ESR1: variants seen among roughly 807,000 people sequenced by gnomAD.
ESR1 encodes estrogen receptor.
A neutral mutation model predicts 52.7 loss-of-function variants in ESR1; 12 were observed. The ratio of observed to expected loss-of-function variants is 0.23; its 90% CI spans 0.15 to 0.37. ESR1 has a LOEUF of 0.37. ESR1 is among the 10% of genes least tolerant of loss of function. The pLI, the probability that ESR1 is intolerant of heterozygous loss-of-function variation, is 1.00. For missense variants in ESR1, 584 were observed against 779.7 expected (o/e 0.75, Z 2.99); for synonymous variants, 305 against 316.8 (o/e 0.96, Z 0.39).
intron 1 of ESR1, among the ~76,000 whole-genome samples, chr6:151,685,414 T>A (rs1211297603): frequency 6.6e-6 from 1 of 151,656 alleles, no homozygotes; most frequent in Non-Finnish European, 1.5e-5. Context: ...ATTACAGGCG[T>A]GAGCCACCGC....
At chr6:151,733,177 A>G (rs748335675) in intron 2 of ESR1, among the ~76,000 whole-genome samples, 2 of 152,208 alleles carry the variant, frequency 1.3e-5, no homozygotes, top group Non-Finnish European at 2.9e-5. Flanking sequence ...CCCATTTTAC[A>G]GTTGAGGAAA....
At chr6:151,870,521 T>C (rs1223315201) in intron 2 of ESR1, among the ~76,000 whole-genome samples, 1 of 152,248 alleles carries the variant, frequency 6.6e-6, no homozygotes, top group Non-Finnish European at 1.5e-5. Context: ...CCTGAAAGAC[T>C]TGTGAATGCG....
At chr6:151,776,926 A>G (rs1786051325) in intron 2 of ESR1, among the ~76,000 whole-genome samples, 1 of 151,744 alleles carries the variant, frequency 6.6e-6, no homozygotes, top group South Asian at 2.1e-4. Context: ...AGGGAGATAT[A>G]CGTGAGTTTG....
chr6:151,665,188 C>A (rs1338606603), intron 1 of ESR1, among the ~76,000 whole-genome samples: 3 of 152,106 alleles, frequency 2.0e-5, no homozygotes, highest in African/African-American at 7.2e-5. Flanking sequence ...GCATGGTCGC[C>A]TTGAAGCCCT....
At chr6:151,861,971 T>A (rs1373379840) in intron 2 of ESR1, among the ~76,000 whole-genome samples, 1 of 152,188 alleles carries the variant, frequency 6.6e-6, no homozygotes, top group Admixed American at 6.5e-5. Flanking sequence ...GAAAATGATG[T>A]TATTATAAAC....
chr6:152,082,554 A>G (rs2049318898), intron 6 of ESR1, among the ~76,000 whole-genome samples: 1 of 152,244 alleles, frequency 6.6e-6, no homozygotes, highest in Admixed American at 6.5e-5. Context: ...AACCAGCACA[A>G]GATAAGAATG....
At chr6:151,882,791 C>T (rs750063139) in intron 3 of ESR1, among the ~76,000 whole-genome samples, 15 of 151,446 alleles carry the variant, frequency 9.9e-5, no homozygotes, top group African/African-American at 4.9e-5. Context: ...TATCCAGATA[C>T]GGTCTGGCTG....
At position 151,893,167 on chromosome 6, in the gene ESR1, G is replaced by T. The variant is rs557868384; in HGVS notation, c.760+12396G>T. Among the ~76,000 whole-genome samples, 229 of 152,322 alleles carry T rather than the reference G, an allele frequency of 1.5e-3. 1 individual carries two copies. Among genetic ancestry groups the T allele is most frequent in the African/African-American group, 5.4e-3 (223 of 41,570 alleles). ...GATCGTGCCACTGCACTCCAGACTG[G>T]GCGACAGAGCAAGACTCTGTCTCAA... is the stretch of plus-strand genomic sequence containing the variant. On this transcript the variant is annotated intron_variant, in intron 3 of 7. Transcript: ENST00000206249.
At chr6:152,104,311 G>A (rs2051035705), downstream of ESR1, among the ~76,000 whole-genome samples, 1 of 152,018 alleles carries the variant, frequency 6.6e-6, no homozygotes, top group Non-Finnish European at 1.5e-5. Context: ...GTTTTCAATG[G>A]TTTCCTCATT....
intron 4 of ESR1, among the ~76,000 whole-genome samples, chr6:151,999,057 C>T (rs1175680469): frequency 6.6e-6 from 1 of 152,076 alleles, no homozygotes; most frequent in African/African-American, 2.4e-5. Context: ...GTTCTCCTGG[C>T]CAGTCCTCAG....
intron 4 of ESR1, among the ~76,000 whole-genome samples, chr6:151,981,936 C>CT (rs2040027801): frequency 6.6e-6 from 1 of 152,168 alleles, no homozygotes; most frequent in South Asian, 2.1e-4. Flanking sequence ...AGGAGTTCTG[C>CT]TGTGCGTCTA....
intron 2 of ESR1, among the ~76,000 whole-genome samples, chr6:151,799,046 G>A (rs1776979809): frequency 6.6e-6 from 1 of 152,134 alleles, no homozygotes; most frequent in Non-Finnish European, 1.5e-5. Flanking sequence ...AAAGATTTAG[G>A]CATTTTTGAG....
intron 2 of ESR1, among the ~76,000 whole-genome samples, chr6:151,749,247 G>A (rs1333743472): frequency 6.6e-6 from 1 of 151,296 alleles, no homozygotes; most frequent in Non-Finnish European, 1.5e-5. Flanking sequence ...TGAGAGTAAG[G>A]AGAGTAAGCC....
At chr6:151,854,937 G>A (rs557869567) in intron 2 of ESR1, among the ~76,000 whole-genome samples, 2 of 152,094 alleles carry the variant, frequency 1.3e-5, no homozygotes, top group Non-Finnish European at 2.9e-5. Flanking sequence ...ATTTAGAGAC[G>A]CAGTCTTTCT....
intron 4 of ESR1, among the ~76,000 whole-genome samples, chr6:152,006,595 G>C (rs1235736047): frequency 6.6e-6 from 1 of 151,992 alleles, no homozygotes; most frequent in Non-Finnish European, 1.5e-5. Context: ...TATTTAGCTT[G>C]TAGCCATCAT....
intron 6 of ESR1, among the ~76,000 whole-genome samples, chr6:152,112,513 G>A (rs1476775428): frequency 6.6e-6 from 1 of 152,128 alleles, no homozygotes; most frequent in Non-Finnish European, 1.5e-5. Context: ...GCTTAACAAT[G>A]CCCCCGGGAT....
chr6:152,109,696 C>A (rs1033384708), intron 6 of ESR1, among the ~76,000 whole-genome samples: 2 of 152,024 alleles, frequency 1.3e-5, no homozygotes, highest in Non-Finnish European at 1.5e-5. Context: ...CAAACGATAA[C>A]AACAACAACA....
At chr6:151,736,669 G>A (rs546709319) in intron 2 of ESR1, among the ~76,000 whole-genome samples, 61 of 152,024 alleles carry the variant, frequency 4.0e-4, no homozygotes, top group African/African-American at 1.4e-3. Flanking sequence ...GTGAGCCACC[G>A]CGCCTGGCCC....
rs1175786685 is a variant in ESR1 at position 152,098,484 on chromosome 6, A to G, written c.1554-248A>G. Among the ~76,000 whole-genome samples the G allele has an allele frequency of 6.6e-6, 1 of 151,832 alleles. No homozygotes were observed. The highest frequency in any genetic ancestry group is 1.5e-5 in the Non-Finnish European group (1 of 67,968). The stretch of plus-strand genomic sequence containing the variant: ...ATACCCTGAAAGTGGCTGCAGGGAG[A>G]GTGTGAGGGTGGGACCGCCCTGGTA... On this transcript the variant is annotated intron_variant, in intron 7 of 7. Coordinates refer to ENST00000206249, the MANE Select transcript of ESR1 (RefSeq NM_000125.4). The surrounding 1 kb of genome is among the most constrained non-coding windows in gnomAD (Gnocchi z 5.1).
Sources: allele counts gnomAD v4.1 joint callset (sites outside exome capture counted in the v4.1 genomes callset), GRCh38; gene constraint gnomAD v4.1.1; non-coding constraint Gnocchi (gnomAD v3.1); transcripts MANE v1.5; gene names NCBI Gene and HGNC (gene_info 2026-07-23, HGNC 2026-07-21).